The following CFAP47 variants were observed in gnomAD, a reference collection of about 807,000 sequenced individuals.
The protein encoded by CFAP47 is cilia and flagella associated protein 47, also known as cilia- and flagella-associated protein 47.
Under a neutral mutation model 148.1 loss-of-function variants are expected in CFAP47, and 29 were observed. That is an observed-to-expected ratio of 0.20 (90% CI 0.15 to 0.27). The LOEUF is 0.27. Ranked by LOEUF, CFAP47 falls within the 10% of genes least tolerant of loss-of-function variation. The probability of loss-of-function intolerance (pLI) is 1.00; values close to 1 mark genes in which losing one functional copy is unlikely to be tolerated. For missense variants in CFAP47, 1,872 were observed against 1,697.5 expected, an observed-to-expected ratio of 1.10 and a Z score of -1.81; for synonymous variants, 664 against 577.3, an observed-to-expected ratio of 1.15 and a Z score of -2.15.
Position 36,367,051 on chromosome X carries a change from G to C in CFAP47, c.9109G>C (p.Asp3037His), listed in dbSNP as rs1270291662. ...GTTGATCGCTACTGAACCTGATACG[G>C]ATGCTGTCATTGACATTGAAGGAGT... is the stretch of plus-strand genomic sequence containing the variant. ...IMLIATEPDT[D>H]AVIDIEGVGL... Residue 3037 changes from aspartate (D) to histidine (H), a missense_variant, in exon 62 of 64, where the codon GAT (aspartate) becomes CAT (histidine). Asp to His is a moderately conservative substitution (Grantham distance 81). Transcript: ENST00000378653. The C allele has an allele frequency of 2.6e-6, 3 of 1,158,962 alleles. No homozygotes were observed. Among genetic ancestry groups the C allele is most frequent in the Non-Finnish European group, 3.5e-6 (3 of 866,181 alleles).
intron 13 of CFAP47, among the ~76,000 whole-genome samples, chrX:35,974,234 A>G (rs1220877719): frequency 1.8e-5 from 2 of 112,238 alleles, no homozygotes; most frequent in Non-Finnish European, 3.8e-5. Context: ...AGGTAAAGAC[A>G]TGAGGCATCT....
At chrX:36,186,613 T>G (rs1555985679) in intron 40 of CFAP47, among the ~76,000 whole-genome samples, 1 of 111,959 alleles carries the variant, frequency 8.9e-6, no homozygotes, top group African/African-American at 3.2e-5. Flanking sequence ...AGGCTTATGA[T>G]AAACATCTCC....
chrX:36,073,099 G>A (rs1453370615), intron 28 of CFAP47, 40 bp from the exon 29 acceptor site: 5 of 993,635 alleles, frequency 5.0e-6, no homozygotes, highest in African/African-American at 1.9e-5. Context: ...TTTACTCCTC[G>A]TCAAGTAGCC....
intron 57 of CFAP47, among the ~76,000 whole-genome samples, chrX:36,323,986 C>G (rs936559141): frequency 6.3e-5 from 7 of 111,654 alleles, no homozygotes; most frequent in Non-Finnish European, 1.1e-4. Context: ...AGAAAGTTCA[C>G]TGTTCCTTTC....
chrX:36,301,233 A>C (rs1015607552), intron 53 of CFAP47, 54 bp downstream of exon 53: 15 of 660,465 alleles, frequency 2.3e-5, no homozygotes, highest in Non-Finnish European at 3.5e-5. Context: ...TAGTTAATCT[A>C]TTACAATGTT....
chrX:36,291,958 C>A (rs948937128), intron 51 of CFAP47, among the ~76,000 whole-genome samples: 3 of 110,849 alleles, frequency 2.7e-5, no homozygotes, highest in African/African-American at 9.9e-5. Flanking sequence ...AGGGATCGGT[C>A]CTTGCAATTA....
At chrX:36,284,690 A>G (rs1442641796) in intron 50 of CFAP47, among the ~76,000 whole-genome samples, 2 of 111,830 alleles carry the variant, frequency 1.8e-5, no homozygotes, top group African/African-American at 3.2e-5. Context: ...GAATTCCACT[A>G]GTTTGTGCTT....
At chrX:36,280,449 C>A (rs1556003377) in intron 49 of CFAP47, 38 bp from the exon 50 acceptor site, 1 of 447,467 alleles carries the variant, frequency 2.2e-6, no homozygotes. Context: ...GAAAACTAAA[C>A]CCTGATTAAT....
chrX:36,290,739 C>T (rs1225506721), intron 51 of CFAP47, among the ~76,000 whole-genome samples: 5 of 112,486 alleles, frequency 4.4e-5, no homozygotes, highest in African/African-American at 1.6e-4. Flanking sequence ...CTAAAGGACA[C>T]AGCAGAACAT....
intron 29 of CFAP47, among the ~76,000 whole-genome samples, chrX:36,075,212 T>C (rs1282178385): frequency 9.5e-6 from 1 of 105,054 alleles, no homozygotes; most frequent in East Asian, 3.0e-4. Flanking sequence ...TTTATTTATT[T>C]ATTTATTTAT....
chrX:36,203,328 T>A (rs1395302124), intron 44 of CFAP47, among the ~76,000 whole-genome samples: 1 of 111,839 alleles, frequency 8.9e-6, no homozygotes, highest in Non-Finnish European at 1.9e-5. Flanking sequence ...AAGCCTGTCA[T>A]AATGCCCTCC....
chrX:36,081,114 A>G (rs773037889), intron 29 of CFAP47, among the ~76,000 whole-genome samples: 8 of 111,622 alleles, frequency 7.2e-5, no homozygotes, highest in African/African-American at 2.6e-4. Context: ...ACTAAGAAAG[A>G]AAAAAAGAGA....
intron 33 of CFAP47, among the ~76,000 whole-genome samples, chrX:36,132,295 G>T (rs1369482804): frequency 1.8e-5 from 2 of 111,629 alleles, no homozygotes; most frequent in Admixed American, 1.9e-4. Context: ...AGCATCACTT[G>T]AATTTTCTGG....
rs1265680601 is a variant in CFAP47, at chrX:36,073,234, C to G, written c.4561C>G (p.Leu1521Val). 2 of 1,207,105 alleles carry G rather than the reference C, an allele frequency of 1.7e-6. No homozygotes were observed. Among genetic ancestry groups the G allele is most frequent in the African/African-American group, 1.8e-5 (1 of 56,855 alleles). The change falls in exon 29 of 64, where the codon CTT becomes GTT. Residue 1521 changes from leucine to valine, a missense_variant. Transcript: ENST00000378653. ...GGAAAAGGAAAAATATGAACAATTC[C>G]TTTCTCTTGAGGAAGGAACAAAGGC... is the stretch of plus-strand genomic sequence containing the variant. ...SLEKEKYEQF[L>V]SLEEGTKAHY...
At chrX:36,248,570 G>A (rs1313446359) in intron 48 of CFAP47, among the ~76,000 whole-genome samples, 2 of 105,795 alleles carry the variant, frequency 1.9e-5, no homozygotes, top group East Asian at 5.9e-4. Flanking sequence ...CAGAATTTAA[G>A]AAGTCAGAAA....
Position 36,073,350 on chromosome X carries a change from A to G in CFAP47, c.4677A>G (p.Pro1559=). The G allele has an allele frequency of 8.4e-7, 1 of 1,185,728 alleles. No individual in the cohort carries two copies. Among genetic ancestry groups the G allele is most frequent in the Non-Finnish European group, 1.1e-6 (1 of 873,249 alleles). Residue 1559 remains proline, a synonymous_variant, in exon 29 of 64, where the codon CCA becomes CCG. Coordinates refer to ENST00000378653, the MANE Select transcript of CFAP47 (RefSeq NM_001304548.2). ...AAGGACCCCATTCTTTTTCTATTCC[A>G]GAGACTATAAGAAGGTGAGAGTCCC... ...WPEGPHSFSI[P]ETIRRDVYKM... is the part of the protein sequence containing the mutation.
At chrX:36,232,298 A>T (rs188120774) in intron 46 of CFAP47, among the ~76,000 whole-genome samples, 21 of 111,868 alleles carry the variant, frequency 1.9e-4, no homozygotes, top group African/African-American at 6.8e-4. Flanking sequence ...AGAGCCTGTT[A>T]TCGGTCTATT....
chrX:36,234,564 C>T (rs1157180414), intron 46 of CFAP47, among the ~76,000 whole-genome samples: 1 of 111,893 alleles, frequency 8.9e-6, no homozygotes, highest in Non-Finnish European at 1.9e-5. Context: ...GTTTGAATTT[C>T]CTCCTGTAGC....
intron 19 of CFAP47, among the ~76,000 whole-genome samples, chrX:35,999,066 T>G (rs1380033328): frequency 8.9e-6 from 1 of 111,908 alleles, no homozygotes; most frequent in African/African-American, 3.2e-5. Flanking sequence ...ACTATGTGTC[T>G]TAATAACAAT....
Sources: allele counts gnomAD v4.1 joint callset (sites outside exome capture counted in the v4.1 genomes callset), GRCh38; gene constraint gnomAD v4.1.1; transcripts MANE v1.5; gene names NCBI Gene and HGNC (gene_info 2026-07-23, HGNC 2026-07-21).